Variants in HEG1 observed in about 807,000 individuals in gnomAD.
The protein encoded by HEG1 is protein HEG homolog 1.
Under a neutral mutation model 125.6 loss-of-function variants are expected in HEG1, and 56 were observed. The observed-to-expected ratio is 0.45, with a 90% CI of 0.36 to 0.56. The LOEUF (loss-of-function observed/expected upper bound fraction) is 0.56, where lower values mean the gene tolerates loss of function less well. HEG1 is among the 20% of genes least tolerant of loss of function. The pLI is 0.00. For missense variants in HEG1, 1,523 were observed against 1,670.0 expected, an observed-to-expected ratio of 0.91 and a Z score of 1.53; for synonymous variants, 644 against 668.5, an observed-to-expected ratio of 0.96 and a Z score of 0.57.
rs754502701 is a variant in HEG1, at chr3:125,001,999, C to G, written c.3370G>C (p.Val1124Leu). 1.2e-6 allele frequency: 2 copies of G among 1,613,854 alleles called. No homozygotes were observed. Among genetic ancestry groups the G allele is most frequent in the African/African-American group, 1.3e-5 (1 of 74,940 alleles). Residue 1124 changes from valine (V) to leucine (L), a missense_variant, in exon 11 of 17, where the codon GTG becomes CTG. By Grantham distance (32) the Val-to-Leu change is conservative (BLOSUM62 1). Transcript: ENST00000311127. The stretch of plus-strand genomic sequence containing the variant: ...AAGGTTGTTTGCAGTGAGATCACCA[C>G]CGCGTTGGACTCCCTATAGGCAAAG... ...TVHASRESNA[V>L]VISLQTTFSL...
intron 5 of HEG1, among the ~76,000 whole-genome samples, chr3:125,019,040 G>A (rs184466813): frequency 1.2e-3 from 181 of 152,004 alleles, no homozygotes; most frequent in African/African-American, 4.2e-3. Context: ...CTAATTTTTT[G>A]TATTGTTAGT....
intron 14 of HEG1, among the ~76,000 whole-genome samples, chr3:124,983,463 C>T (rs6763811): frequency 0.66 from 99,540 of 150,884 alleles, 32,999 homozygotes; most frequent in Middle Eastern, 0.75. Flanking sequence ...GTTTCCCAAG[C>T]AGCTGGGACA....
At chr3:125,020,587 T>C (rs1216595720) in intron 4 of HEG1, among the ~76,000 whole-genome samples, 2 of 152,102 alleles carry the variant, frequency 1.3e-5, no homozygotes, top group East Asian at 3.9e-4. Context: ...GAGCCGTAGT[T>C]TTCTCATCTA....
chr3:124,986,819 G>T (rs577768737), intron 14 of HEG1, among the ~76,000 whole-genome samples: 86 of 152,242 alleles, frequency 5.6e-4, no homozygotes, highest in African/African-American at 2.0e-3. Flanking sequence ...TAATGGAGAG[G>T]ACTTGACTTT....
chr3:125,011,245 C>CAA (rs201989109), intron 6 of HEG1, among the ~76,000 whole-genome samples: 5,042 of 145,512 alleles, frequency 0.035, 266 homozygotes, highest in African/African-American at 0.12. Context: ...AGTCTTCACT[C>CAA]AAAAAAAAAA....
At chr3:124,996,598 G>A (rs1194379873) in intron 12 of HEG1, among the ~76,000 whole-genome samples, 1 of 152,190 alleles carries the variant, frequency 6.6e-6, no homozygotes, top group African/African-American at 2.4e-5. Flanking sequence ...CTGATGATGC[G>A]CACTTGAGAA....
chr3:125,047,131 G>C (rs1265606554), intron 1 of HEG1, among the ~76,000 whole-genome samples: 2 of 152,198 alleles, frequency 1.3e-5, no homozygotes, highest in Non-Finnish European at 2.9e-5. Context: ...GGTTGGCAGG[G>C]GTCCAACGAG....
At chr3:124,979,958 G>A (rs540047605) in intron 14 of HEG1, among the ~76,000 whole-genome samples, 25 of 152,256 alleles carry the variant, frequency 1.6e-4, no homozygotes, top group Admixed American at 2.6e-4. Context: ...TGGCTATTAC[G>A]TAAAACCATC....
At chr3:125,046,785 G>A (rs1443602000) in intron 1 of HEG1, among the ~76,000 whole-genome samples, 1 of 152,106 alleles carries the variant, frequency 6.6e-6, no homozygotes, top group Non-Finnish European at 1.5e-5. Flanking sequence ...TGCTCATGTG[G>A]CTCACACACA....
intron 1 of HEG1, 37 bp downstream of exon 1, chr3:125,055,538 A>G: frequency 1.7e-6 from 2 of 1,178,072 alleles, no homozygotes; most frequent in East Asian, 7.0e-5. Context: ...CCCCCAGCAC[A>G]GACTGGCCAG....
At chr3:124,992,279 C>T (rs1936847821) in intron 12 of HEG1, among the ~76,000 whole-genome samples, 1 of 152,196 alleles carries the variant, frequency 6.6e-6, no homozygotes, top group African/African-American at 2.4e-5. Context: ...GAAGCAGTTG[C>T]AGCCTGGCCA....
chr3:125,038,028 A>G (rs1937562787), intron 1 of HEG1, among the ~76,000 whole-genome samples: 1 of 152,226 alleles, frequency 6.6e-6, no homozygotes, highest in Non-Finnish European at 1.5e-5. Flanking sequence ...TGTCATAGCT[A>G]TTAAATGGAT....
intron 1 of HEG1, among the ~76,000 whole-genome samples, chr3:125,051,819 G>C (rs1386743561): frequency 6.6e-6 from 1 of 152,208 alleles, no homozygotes; most frequent in East Asian, 1.9e-4. Context: ...TTCTTTCTGA[G>C]TGTCTCTGGA....
At chr3:125,005,412 C>A in intron 8 of HEG1, 44 bp from the exon 9 acceptor site, 2 of 1,089,470 alleles carry the variant, frequency 1.8e-6, no homozygotes, top group Middle Eastern at 2.2e-4. Context: ...AACAGAAGAA[C>A]CTATGCAAGG....
At chr3:125,042,919 G>A (rs530672681) in intron 1 of HEG1, among the ~76,000 whole-genome samples, 3 of 152,324 alleles carry the variant, frequency 2.0e-5, no homozygotes, top group Non-Finnish European at 4.4e-5. Context: ...ATGCTGCTGC[G>A]GATGTAATGA....
In HEG1 at chr3:125,040,063, G is replaced by A. The variant is rs531844795; in HGVS notation, c.317-10575C>T. Among the ~76,000 whole-genome samples, 3 of 152,300 alleles carry A rather than the reference G, an allele frequency of 2.0e-5. No individual in the cohort carries two copies. The East Asian group carries it at 5.8e-4, about 29-fold the overall frequency. On this transcript the variant is annotated intron_variant, in intron 1 of 16. Transcript: ENST00000311127. Reference sequence around the variant, plus strand: ...CTTCTAACTCAGAGAGGATTTTTACGCATAACGAAAAGAATAAGAGAGAAA... The same window carrying A: ...CTTCTAACTCAGAGAGGATTTTTACACATAACGAAAAGAATAAGAGAGAAA...
intron 14 of HEG1, among the ~76,000 whole-genome samples, chr3:124,984,384 A>G (rs1936705934): frequency 6.6e-6 from 1 of 152,084 alleles, no homozygotes; most frequent in Non-Finnish European, 1.5e-5. Flanking sequence ...AGAGGGATGG[A>G]AAAAAATGTC....
At position 125,035,252 on chromosome 3, in the gene HEG1, ATATT is replaced by A. The variant is rs1230859721; in HGVS notation, c.317-5768_317-5765del. On this transcript the variant is annotated intron_variant, in intron 1 of 16. Coordinates refer to ENST00000311127, the MANE Select transcript of HEG1 (RefSeq NM_020733.2). ...AAGTGTGGGGCTTACAGAAGTGGTA[ATATT>A]TTAAAAGGTAATGGCTGGAAAATTT... Among the ~76,000 whole-genome samples, 1,179 of 143,944 alleles carry A rather than the reference ATATT, an allele frequency of 8.2e-3. 13 individuals carry two copies. The highest frequency in any genetic ancestry group is 0.027 in the African/African-American group (1,119 of 41,206). 94.4% of individuals were successfully genotyped at this position (143,944 alleles called of 152,430 possible).
At chr3:124,984,833 A>T (rs113191039) in intron 14 of HEG1, among the ~76,000 whole-genome samples, 3 of 152,194 alleles carry the variant, frequency 2.0e-5, no homozygotes, top group Non-Finnish European at 2.9e-5. Context: ...AATGGCTTAG[A>T]TGACAGGAAT....
Sources: gnomAD v4.1 joint callset for allele counts (sites outside exome capture counted in the v4.1 genomes callset) on GRCh38, gnomAD v4.1.1 for gene constraint, MANE v1.5 for transcripts, NCBI Gene and HGNC (gene_info 2026-07-23, HGNC 2026-07-21) for gene names.